Variants in ZNF250 observed in about 807,000 individuals in gnomAD.
The protein encoded by ZNF250 is zinc finger protein (clone 647).
A neutral mutation model predicts 37.1 loss-of-function variants in ZNF250; 13 were observed. That is an observed-to-expected ratio of 0.35 (90% confidence interval 0.23 to 0.56). The LOEUF (loss-of-function observed/expected upper bound fraction) is 0.56. ZNF250 is among the 20% of genes least tolerant of loss of function. The probability of loss-of-function intolerance (pLI) is 0.87; values close to 1 mark genes in which losing one functional copy is unlikely to be tolerated. For missense variants in ZNF250, 474 were observed against 697.9 expected (o/e 0.68, Z 3.61); for synonymous variants, 251 against 265.6 (o/e 0.94, Z 0.54).
intron 1 of ZNF250, among the ~76,000 whole-genome samples, chr8:144,896,374 TA>T (rs560936261): frequency 2.8e-4 from 36 of 127,760 alleles, no homozygotes; most frequent in East Asian, 1.8e-3. Context: ...AAATAAAAAT[TA>T]AAAAAAAATA....
chr8:144,877,596 G>C lies in ZNF250; in HGVS notation c.*3919C>G, dbSNP rs988345483. 6.6e-5 allele frequency: 10 copies of C among 152,174 alleles called. No individual in the cohort carries two copies. The highest frequency in any genetic ancestry group is 2.4e-4 in the African/African-American group (10 of 41,446). The allele number at this position is 152,174 out of a possible 1,614,324, so 9.4% of individuals were successfully genotyped here. ...CCACCTCTTTCTCCTTGGAGAGGAG[G>C]AGGTGAGTGGCAAGAAAATGTAGCC... On this transcript the variant is annotated 3_prime_UTR_variant, in exon 6 of 6. Transcript: ENST00000417550.
intron 4 of ZNF250, 79 bp downstream of exon 4, chr8:144,889,502 A>G: frequency 1.7e-6 from 2 of 1,165,250 alleles, no homozygotes; most frequent in Non-Finnish European, 2.5e-6. Flanking sequence ...AGTGAGCGGC[A>G]CAGTATGAAC....
At position 144,881,388 on chromosome 8, in the gene ZNF250, A is replaced by C. The variant is rs1831455012; in HGVS notation, c.*127T>G. On this transcript the variant is annotated 3_prime_UTR_variant, in exon 6 of 6. Coordinates refer to ENST00000417550, the MANE Select transcript of ZNF250 (RefSeq NM_001109689.4). ...ACGCTAAGTGCTTCTTTCTGGAGTTATTTTGTGACACTGAATCGCCAAAGA... is the reference window on the plus strand; with the variant it reads ...ACGCTAAGTGCTTCTTTCTGGAGTTCTTTTGTGACACTGAATCGCCAAAGA... 10 of 1,378,036 alleles carry C rather than the reference A, an allele frequency of 7.3e-6. No homozygotes were observed. The highest frequency in any genetic ancestry group is 9.6e-6 in the Non-Finnish European group (10 of 1,043,676). 85.4% of individuals were successfully genotyped at this position (1,378,036 alleles called of 1,614,324 possible). A position where few individuals can be genotyped will look rare whatever the true frequency, so the allele number is the denominator to read the frequency against.
rs187566708 is a variant in ZNF250, at chr8:144,888,198, T to C, written c.284-1296A>G. ...TAATTTTCTCCATCTAAAGGTCTTG[T>C]ACATCTTTTGTTAGATTAATTCTTG... On this transcript the variant is annotated intron_variant, in intron 4 of 5. Coordinates refer to ENST00000417550, the MANE Select transcript of ZNF250 (RefSeq NM_001109689.4). 1.4e-3 allele frequency among the ~76,000 whole-genome samples: 209 copies of C among 152,378 alleles called. 1 individual carries two copies. The highest frequency in any genetic ancestry group is 4.9e-3 in the African/African-American group (204 of 41,592).
chr8:144,882,934 C>T lies in ZNF250; in HGVS notation c.347-98G>A. ...GCCTTGCTGATGAAGGTGCAAAATC[C>T]CTCAATGCACACGTTGGTGTGAGCT... On this transcript the variant is annotated intron_variant, in intron 5 of 5. Coordinates refer to ENST00000417550, the MANE Select transcript of ZNF250 (RefSeq NM_001109689.4). This position sits in a 1 kb window ranked among gnomAD's most constrained non-coding sequence, Gnocchi z 5.5. 7.5e-7 allele frequency: 1 copy of T among 1,330,986 alleles called. No individual in the cohort carries two copies. The highest frequency in any genetic ancestry group is 1.0e-6 in the Non-Finnish European group (1 of 964,050). The allele number at this position is 1,330,986 out of a possible 1,614,324, so 82.4% of individuals were successfully genotyped here. A position where few individuals can be genotyped will look rare whatever the true frequency, so the allele number is the denominator to read the frequency against.
intron 1 of ZNF250, among the ~76,000 whole-genome samples, chr8:144,894,589 CTTT>C (rs370237954): frequency 1.4e-5 from 2 of 141,818 alleles, no homozygotes; most frequent in Admixed American, 7.1e-5. Context: ...AGTGGTCGAC[CTTT>C]TTTTTTTTTT....
At chr8:144,888,125 C>T (rs189598004) in intron 4 of ZNF250, among the ~76,000 whole-genome samples, 27 of 152,278 alleles carry the variant, frequency 1.8e-4, no homozygotes, top group East Asian at 7.7e-4. Context: ...CTTAAGCAAC[C>T]GCAAACATGA....
chr8:144,900,163 G>T (rs1464043293), intron 1 of ZNF250, among the ~76,000 whole-genome samples: 1 of 152,184 alleles, frequency 6.6e-6, no homozygotes, highest in Non-Finnish European at 1.5e-5. Context: ...ACGTCGACCT[G>T]GCAGGAATGC....
chr8:144,882,910 C>T lies in ZNF250; in HGVS notation c.347-74G>A. 1 of 1,528,044 alleles carries T rather than the reference C, an allele frequency of 6.5e-7. No homozygotes were observed. The allele number at this position is 1,528,044 out of a possible 1,614,324, so 94.7% of individuals were successfully genotyped here. A position where few individuals can be genotyped will look rare whatever the true frequency, so the allele number is the denominator to read the frequency against. On this transcript the variant is annotated intron_variant, in intron 5 of 5. Transcript: ENST00000417550. The surrounding 1 kb of genome is among the most constrained non-coding windows in gnomAD (Gnocchi z 5.5). ...AGAGCTAGTGCAACCCTGAAACTGG[C>T]CTTGCTGATGAAGGTGCAAAATCCC...
intron 5 of ZNF250, among the ~76,000 whole-genome samples, chr8:144,884,345 G>T (rs775787139): frequency 6.6e-6 from 1 of 152,142 alleles, no homozygotes; most frequent in Admixed American, 6.5e-5. Context: ...TCTGCCTCCC[G>T]GGTTGAAGTG....
chr8:144,877,132 T>C lies in ZNF250; in HGVS notation c.*4383A>G, dbSNP rs1831177175. On this transcript the variant is annotated 3_prime_UTR_variant, in exon 6 of 6. Transcript: ENST00000417550. ...TACGTATTTTTTGTGACAAGGTCTC[T>C]CTCTGTTGTCCAGGCTAGATAGTAT... 6.6e-6 allele frequency: 1 copy of C among 152,244 alleles called. No individual in the cohort carries two copies. The highest frequency in any genetic ancestry group is 1.5e-5 in the Non-Finnish European group (1 of 68,052). 9.4% of individuals were successfully genotyped at this position (152,244 alleles called of 1,614,324 possible). A position where few individuals can be genotyped will look rare whatever the true frequency, so the allele number is the denominator to read the frequency against.
In ZNF250 at chr8:144,882,210, G is replaced by C; in HGVS notation, c.973C>G (p.Gln325Glu). ...FNHSTVLRSH[Q>E]RVHTGEKPHR... is the part of the protein sequence containing the mutation. ...GGCTTCTCCCCAGTGTGTACCCTCT[G>C]GTGGCTCCGCAGAACAGTGCTATGG... Residue 325 changes from glutamine (Q) to glutamate (E), a missense_variant, in exon 6 of 6, where the codon CAG becomes GAG. This residue lies in a region of ZNF250 where 282 missense variants were observed against 470.4 expected (regional missense o/e 0.60). Coordinates refer to ENST00000417550, the MANE Select transcript of ZNF250 (RefSeq NM_001109689.4). The surrounding 1 kb of genome is among the most constrained non-coding windows in gnomAD (Gnocchi z 5.5). The C allele has an allele frequency of 1.2e-6, 2 of 1,614,120 alleles. No homozygotes were observed. Among genetic ancestry groups the C allele is most frequent in the Non-Finnish European group, 1.7e-6 (2 of 1,180,010 alleles).
chr8:144,887,252 C>CAAAAAAAAAAAAAAAAA (rs56677445), intron 4 of ZNF250, among the ~76,000 whole-genome samples: 15 of 63,078 alleles, frequency 2.4e-4, no homozygotes, highest in African/African-American at 1.1e-3. Context: ...CTCCGTCTCT[C>CAAAAAAAAAAAAAAAAA]AAAAAAAAAA....
Position 144,891,319 on chromosome 8 carries a change from G to C in ZNF250, c.-54-916C>G, listed in dbSNP as rs941602001. ...AGCAACCAATCCCCTCACATGCTTG[G>C]CTCAGATGGGCACCACAACAAACAG... On this transcript the variant is annotated intron_variant, in intron 1 of 5. Coordinates refer to ENST00000417550, the MANE Select transcript of ZNF250 (RefSeq NM_001109689.4). The surrounding 1 kb of genome is among the most constrained non-coding windows in gnomAD (Gnocchi z 4.0). Among the ~76,000 whole-genome samples the C allele has an allele frequency of 1.3e-5, 2 of 152,232 alleles. No homozygotes were observed. The highest frequency in any genetic ancestry group is 4.8e-5 in the African/African-American group (2 of 41,546).
Position 144,880,865 on chromosome 8 carries a change from C to CCA in ZNF250, c.*648_*649dup, listed in dbSNP as rs1314762060. Reference sequence around the variant, plus strand: ...CTTGGGCAACAGAGCAAGACTATCTCCACACACACATACAAAAAGTTTTTT... The same window carrying CCA: ...CTTGGGCAACAGAGCAAGACTATCTCCACACACACACATACAAAAAGTTTTTT... On this transcript the variant is annotated 3_prime_UTR_variant, in exon 6 of 6. Coordinates refer to ENST00000417550, the MANE Select transcript of ZNF250 (RefSeq NM_001109689.4). The CCA allele has an allele frequency of 5.9e-6, 1 of 169,508 alleles. No homozygotes were observed. Among genetic ancestry groups the CCA allele is most frequent in the African/African-American group, 2.4e-5 (1 of 42,018 alleles). 10.5% of individuals were successfully genotyped at this position (169,508 alleles called of 1,614,324 possible). A position where few individuals can be genotyped will look rare whatever the true frequency, so the allele number is the denominator to read the frequency against.
In ZNF250 at chr8:144,879,360, G is replaced by A. The variant is rs1016270644; in HGVS notation, c.*2155C>T. ...TCACTGTTGTCAGTGTCTGTACATA[G>A]AAGGGGGAACAAGCTTTTGTCTACA... is the stretch of plus-strand genomic sequence containing the variant. On this transcript the variant is annotated 3_prime_UTR_variant, in exon 6 of 6. Coordinates refer to ENST00000417550, the MANE Select transcript of ZNF250 (RefSeq NM_001109689.4). 6.6e-6 allele frequency: 1 copy of A among 152,262 alleles called. No homozygotes were observed. Among genetic ancestry groups the A allele is most frequent in the African/African-American group, 2.4e-5 (1 of 41,464 alleles). 9.4% of individuals were successfully genotyped at this position (152,262 alleles called of 1,614,324 possible).
chr8:144,896,767 G>A (rs1490368716), intron 1 of ZNF250, among the ~76,000 whole-genome samples: 2 of 152,066 alleles, frequency 1.3e-5, no homozygotes, highest in African/African-American at 4.8e-5. Flanking sequence ...GGGACAGGCT[G>A]GAGATCACCG....
In ZNF250 at chr8:144,890,670, C is replaced by A. The variant is rs1016873911; in HGVS notation, c.-54-267G>T. The stretch of plus-strand genomic sequence containing the variant: ...GGCTCTCTGAACACCAGGTGCAAGG[C>A]ACTTGCTGCACCCTGGTCCCGGCCC... On this transcript the variant is annotated intron_variant, in intron 1 of 5. Transcript: ENST00000417550. This position sits in a 1 kb window ranked among gnomAD's most constrained non-coding sequence, Gnocchi z 5.1. 1.3e-5 allele frequency among the ~76,000 whole-genome samples: 2 copies of A among 152,148 alleles called. No individual in the cohort carries two copies. The highest frequency in any genetic ancestry group is 1.3e-4 in the Admixed American group (2 of 15,278).
chr8:144,882,652 T>C lies in ZNF250; in HGVS notation c.531A>G (p.Gln177=), dbSNP rs763215535. Residue 177 remains glutamine (Q), a synonymous_variant, in exon 6 of 6, where the codon CAA becomes CAG. Transcript: ENST00000417550. The surrounding 1 kb of genome is among the most constrained non-coding windows in gnomAD (Gnocchi z 5.5). ...CCTGGTGCGGAGTGAGTGGCATGCT[T>C]TGGCTTAAGACCTGAACTTCACGGT... ...VDHREVQVLS[Q]SMPLTPHQAV... The C allele has an allele frequency of 6.2e-7, 1 of 1,613,892 alleles. No homozygotes were observed. The highest frequency in any genetic ancestry group is 1.1e-5 in the South Asian group (1 of 91,068).
Sources: gnomAD v4.1 joint callset for allele counts (sites outside exome capture counted in the v4.1 genomes callset) on GRCh38, gnomAD v4.1.1 for gene constraint, gnomAD v4.1.1 regional missense constraint, Gnocchi (gnomAD v3.1) non-coding constraint, MANE v1.5 for transcripts, NCBI Gene and HGNC (gene_info 2026-07-23, HGNC 2026-07-21) for gene names.